Variants in PTPRD observed in about 807,000 individuals in gnomAD.
The protein encoded by PTPRD is receptor-type tyrosine-protein phosphatase delta.
PTPRD carries 34 observed loss-of-function variants against 214.5 expected under a neutral mutation model. The observed-to-expected ratio is 0.16, with a 90% CI of 0.12 to 0.21. The LOEUF is 0.21. Ranked by LOEUF, PTPRD falls within the 10% of genes least tolerant of loss-of-function variation. The pLI, the probability that PTPRD is intolerant of heterozygous loss-of-function variation, is 1.00. For missense variants in PTPRD, 2,545 were observed against 2,398.7 expected (o/e 1.06, Z -1.27); for synonymous variants, 1,128 against 845.7 (o/e 1.33, Z -5.79).
chr9:8,640,795 T>C (rs761162260), intron 12 of PTPRD, among the ~76,000 whole-genome samples: 39 of 151,918 alleles, frequency 2.6e-4, no homozygotes, highest in Non-Finnish European at 4.7e-4. Context: ...GCCCACAAGA[T>C]CCGAACTACA....
chr9:9,102,773 T>G (rs970601133), intron 10 of PTPRD, among the ~76,000 whole-genome samples: 3 of 152,356 alleles, frequency 2.0e-5, no homozygotes, highest in African/African-American at 7.2e-5. Context: ...TTCAGGAAAT[T>G]AAACTGGTAG....
chr9:10,282,640 C>T (rs908969553), intron 3 of PTPRD, among the ~76,000 whole-genome samples: 13 of 152,114 alleles, frequency 8.5e-5, no homozygotes, highest in African/African-American at 3.1e-4. Context: ...TTAGAATCAA[C>T]TGAGCAGCTT....
chr9:8,507,166 C>G (rs989638428), intron 22 of PTPRD, 135 bp downstream of exon 22: 1 of 1,001,316 alleles, frequency 1.0e-6, no homozygotes, highest in Non-Finnish European at 1.4e-6. Context: ...AGTCAAGTTC[C>G]TCTTTTAATT....
chr9:8,961,081 C>T (rs1009401413), intron 11 of PTPRD, among the ~76,000 whole-genome samples: 11 of 151,682 alleles, frequency 7.3e-5, no homozygotes, highest in African/African-American at 2.7e-4. Flanking sequence ...AATGAAATAC[C>T]AGCTGCCACA....
chr9:9,378,338 T>A (rs562792904), intron 9 of PTPRD, among the ~76,000 whole-genome samples: 39 of 152,294 alleles, frequency 2.6e-4, no homozygotes, highest in African/African-American at 9.1e-4. Context: ...AGTTTCTCCT[T>A]GTCTTTTCAT....
At chr9:8,549,571 A>G (rs1214780454) in intron 14 of PTPRD, among the ~76,000 whole-genome samples, 1 of 152,180 alleles carries the variant, frequency 6.6e-6, no homozygotes, top group Non-Finnish European at 1.5e-5. Flanking sequence ...GAACAATTAT[A>G]TTATTTTGCA....
chr9:9,315,675 A>T lies in PTPRD; in HGVS notation c.-203+81774T>A, dbSNP rs150362437. On this transcript the variant is annotated intron_variant, in intron 9 of 45. Coordinates refer to ENST00000381196, the MANE Select transcript of PTPRD (RefSeq NM_002839.4). ...TTCATCTCATAATAATCATAAACACATTTGCTACTGTAGAATATTCCTTGC... is the reference window on the plus strand; with the variant it reads ...TTCATCTCATAATAATCATAAACACTTTTGCTACTGTAGAATATTCCTTGC... 2.7e-3 allele frequency among the ~76,000 whole-genome samples: 409 copies of T among 151,862 alleles called. 9 individuals are homozygous for T. Among genetic ancestry groups the T allele is most frequent in the Admixed American group, 0.025 (384 of 15,232 alleles).
intron 14 of PTPRD, among the ~76,000 whole-genome samples, chr9:8,535,445 C>T (rs1245756080): frequency 2.0e-5 from 3 of 151,836 alleles, no homozygotes; most frequent in African/African-American, 7.2e-5. Flanking sequence ...ATCAACAGTA[C>T]AAATAAATAA....
At chr9:9,238,066 C>A (rs1216948708) in intron 9 of PTPRD, among the ~76,000 whole-genome samples, 2 of 152,062 alleles carry the variant, frequency 1.3e-5, no homozygotes, top group Non-Finnish European at 2.9e-5. Context: ...TAATAGGAAG[C>A]ATCAGCGTTC....
intron 5 of PTPRD, among the ~76,000 whole-genome samples, chr9:9,786,200 C>T (rs2098922345): frequency 6.6e-6 from 1 of 152,112 alleles, no homozygotes; most frequent in Non-Finnish European, 1.5e-5. Context: ...TTGCCATGCA[C>T]TGAAGCAGCT....
intron 8 of PTPRD, among the ~76,000 whole-genome samples, chr9:9,480,909 T>C (rs555484844): frequency 6.6e-6 from 1 of 152,306 alleles, no homozygotes; most frequent in East Asian, 1.9e-4. Context: ...TCATGCTGTC[T>C]ACAGGCTTCC....
chr9:9,424,169 C>T (rs910131946), intron 8 of PTPRD, among the ~76,000 whole-genome samples: 11 of 152,284 alleles, frequency 7.2e-5, no homozygotes, highest in Non-Finnish European at 8.8e-5. Context: ...CAGAGCTGCC[C>T]GTGGAATGGC....
In PTPRD at chr9:8,320,693, G is replaced by T. The variant is rs148830749; in HGVS notation, c.5535-727C>A. 5.5e-3 allele frequency among the ~76,000 whole-genome samples: 844 copies of T among 152,144 alleles called. 8 individuals are homozygous for T. The highest frequency in any genetic ancestry group is 0.018 in the African/African-American group (765 of 41,536). ...TAAGAGCCATTGATCTCTGAACTTA[G>T]CTACCATTTTTACATGATCAGCAAC... On this transcript the variant is annotated intron_variant, in intron 44 of 45. Transcript: ENST00000381196.
chr9:10,008,429 T>C (rs1446472956), intron 4 of PTPRD, among the ~76,000 whole-genome samples: 6 of 152,006 alleles, frequency 3.9e-5, no homozygotes, highest in Non-Finnish European at 7.4e-5. Context: ...GTGTGGCCTT[T>C]GTTTCACATT....
chr9:9,823,829 A>T (rs1367694089), intron 5 of PTPRD, among the ~76,000 whole-genome samples: 1 of 152,068 alleles, frequency 6.6e-6, no homozygotes, highest in African/African-American at 2.4e-5. Flanking sequence ...TAATGACCAT[A>T]ATGTATTGTA....
intron 8 of PTPRD, among the ~76,000 whole-genome samples, chr9:9,530,992 T>C (rs919000383): frequency 6.6e-6 from 1 of 152,134 alleles, no homozygotes; most frequent in Non-Finnish European, 1.5e-5. Context: ...AAGCTAACTA[T>C]ACTAAGCAAT....
chr9:8,754,711 A>G (rs1370320304), intron 11 of PTPRD, among the ~76,000 whole-genome samples: 3 of 121,868 alleles, frequency 2.5e-5, no homozygotes, highest in East Asian at 4.5e-4. Context: ...GGTAATGACA[A>G]TAAAGATTGA....
chr9:10,407,257 T>C (rs1238333183), intron 2 of PTPRD, among the ~76,000 whole-genome samples: 1 of 151,602 alleles, frequency 6.6e-6, no homozygotes, highest in Admixed American at 6.6e-5. Context: ...AATAATGTCT[T>C]AGGCTATGGA....
At chr9:10,466,311 T>C (rs972895328) in intron 2 of PTPRD, among the ~76,000 whole-genome samples, 1 of 152,050 alleles carries the variant, frequency 6.6e-6, no homozygotes, top group Non-Finnish European at 1.5e-5. Flanking sequence ...CTCTCAATTA[T>C]TTGAAGATAA....
Sources: gnomAD v4.1 joint callset for allele counts (sites outside exome capture counted in the v4.1 genomes callset) on GRCh38, gnomAD v4.1.1 for gene constraint, MANE v1.5 for transcripts, NCBI Gene and HGNC (gene_info 2026-07-23, HGNC 2026-07-21) for gene names.